The following CNOT6L variants were observed in gnomAD, a reference collection of about 807,000 sequenced individuals.
CNOT6L encodes CCR4-NOT transcription complex subunit 6-like.
Under a neutral mutation model 64.0 loss-of-function variants are expected in CNOT6L, and 7 were observed. The observed-to-expected ratio is 0.11, with a 90% CI of 0.06 to 0.21. The LOEUF is 0.21. Among genes scored for constraint, CNOT6L ranks in the 10% least tolerant of loss-of-function variants. The pLI is 1.00. For synonymous variants in CNOT6L, 193 were observed against 243.4 expected (o/e 0.79, Z 1.93); for missense variants, 245 against 669.0 (o/e 0.37, Z 6.99).
chr4:77,794,257 A>G (rs973850445), intron 1 of CNOT6L, among the ~76,000 whole-genome samples: 1 of 152,012 alleles, frequency 6.6e-6, no homozygotes, highest in Non-Finnish European at 1.5e-5. Context: ...TATGGAAGAA[A>G]CAATACCAAT....
intron 1 of CNOT6L, among the ~76,000 whole-genome samples, chr4:77,776,863 A>G (rs1208765090): frequency 2.6e-5 from 4 of 152,226 alleles, no homozygotes; most frequent in Non-Finnish European, 4.4e-5. Context: ...CGCAGAACTC[A>G]TTCTATGTTT....
rs1196954716 is a variant in CNOT6L, at chr4:77,717,737, T to C, written c.*2694A>G. 6.6e-6 allele frequency: 1 copy of C among 152,478 alleles called. No homozygotes were observed. The highest frequency in any genetic ancestry group is 1.5e-5 in the Non-Finnish European group (1 of 68,012). 9.4% of individuals were successfully genotyped at this position (152,478 alleles called of 1,614,324 possible). A position where few individuals can be genotyped will look rare whatever the true frequency, so the allele number is the denominator to read the frequency against. Reference sequence around the variant, plus strand: ...GGCAGCTCAAAACAGATACCACTCCTTTTACAAAGGGAACAAAGGGTGAAG... The same window carrying C: ...GGCAGCTCAAAACAGATACCACTCCCTTTACAAAGGGAACAAAGGGTGAAG... On this transcript the variant is annotated 3_prime_UTR_variant, in exon 12 of 12. Coordinates refer to ENST00000504123, the MANE Select transcript of CNOT6L (RefSeq NM_144571.3).
chr4:77,797,350 TAAAC>T (rs1241711437), intron 1 of CNOT6L, among the ~76,000 whole-genome samples: 1 of 152,086 alleles, frequency 6.6e-6, no homozygotes, highest in Non-Finnish European at 1.5e-5. Flanking sequence ...ATTCCAGAAA[TAAAC>T]AATTCACAAG....
chr4:77,819,528 C>T (rs540511129), upstream of CNOT6L: 3,024 of 740,694 alleles, frequency 4.1e-3, 9 homozygotes, highest in Admixed American at 5.4e-3. Context: ...AACCGGGGCT[C>T]GCGGGCGGGC....
Position 77,818,837 on chromosome 4 carries a change from C to A in CNOT6L, c.5+467G>T, listed in dbSNP as rs1364555374. Reference sequence around the variant, plus strand: ...TTAGGCCGCGCTGCAGGCCGGCGCGCTTCCTGCCGCGGCCGGGGAACGGCG... The same window carrying A: ...TTAGGCCGCGCTGCAGGCCGGCGCGATTCCTGCCGCGGCCGGGGAACGGCG... On this transcript the variant is annotated intron_variant, in intron 1 of 11. Transcript: ENST00000504123. 1.3e-5 allele frequency: 3 copies of A among 229,508 alleles called. No homozygotes were observed. In the East Asian group the frequency reaches 4.4e-4, roughly 34 times the overall value. The allele number at this position is 229,508 out of a possible 1,614,324, so 14.2% of individuals were successfully genotyped here. A position where few individuals can be genotyped will look rare whatever the true frequency, so the allele number is the denominator to read the frequency against.
At chr4:77,742,061 G>C in intron 8 of CNOT6L, 80 bp downstream of exon 8, 1 of 1,332,232 alleles carries the variant, frequency 7.5e-7, no homozygotes. Flanking sequence ...GATTTTATAG[G>C]GCAAAACCAA....
chr4:77,807,690 C>T (rs980633049), intron 1 of CNOT6L, among the ~76,000 whole-genome samples: 7 of 152,068 alleles, frequency 4.6e-5, no homozygotes, highest in Non-Finnish European at 8.8e-5. Context: ...GTAACAAATA[C>T]GAAAACTAGA....
chr4:77,793,877 G>A (rs1179659708), intron 1 of CNOT6L, among the ~76,000 whole-genome samples: 6 of 151,934 alleles, frequency 3.9e-5, no homozygotes, highest in Non-Finnish European at 1.5e-5. Flanking sequence ...CCAGCTGGGC[G>A]CAGTGGCTAA....
At chr4:77,783,150 CAAAAAA>C (rs35634501) in intron 1 of CNOT6L, among the ~76,000 whole-genome samples, 2 of 102,184 alleles carry the variant, frequency 2.0e-5, no homozygotes, top group South Asian at 3.6e-4. Flanking sequence ...TGTGACCACT[CAAAAAA>C]AAAAAAAAAA....
intron 1 of CNOT6L, among the ~76,000 whole-genome samples, chr4:77,810,684 A>C (rs535066084): frequency 6.6e-6 from 1 of 152,142 alleles, no homozygotes; most frequent in Non-Finnish European, 1.5e-5. Flanking sequence ...TTGAAACTAC[A>C]TAATAATATT....
intron 4 of CNOT6L, among the ~76,000 whole-genome samples, chr4:77,758,453 A>C (rs1432960744): frequency 6.6e-6 from 1 of 152,222 alleles, no homozygotes; most frequent in African/African-American, 2.4e-5. Flanking sequence ...TTAGAATACT[A>C]TATGAAATTG....
chr4:77,731,686 A>AT (rs1722450205), intron 8 of CNOT6L, 148 bp from the exon 9 acceptor site: 2 of 542,630 alleles, frequency 3.7e-6, no homozygotes, highest in African/African-American at 4.0e-5. Flanking sequence ...AGACACAAGA[A>AT]GTCTGATTAT....
chr4:77,759,272 G>C (rs961858001), intron 4 of CNOT6L, among the ~76,000 whole-genome samples: 1 of 151,272 alleles, frequency 6.6e-6, no homozygotes, highest in Non-Finnish European at 1.5e-5. Flanking sequence ...ACTTTAAAAC[G>C]AGATGGGTTG....
At position 77,715,137 on chromosome 4, in the gene CNOT6L, T is replaced by A. The variant is rs575685413; in HGVS notation, c.*5294A>T. On this transcript the variant is annotated 3_prime_UTR_variant, in exon 12 of 12. Coordinates refer to ENST00000504123, the MANE Select transcript of CNOT6L (RefSeq NM_144571.3). ...TGACAGACATACAACTGGAAAATTA[T>A]CTAAATTTTGAGAGATTGTTCTAAC... 6.6e-6 allele frequency: 1 copy of A among 152,112 alleles called. No individual in the cohort carries two copies. Among genetic ancestry groups the A allele is most frequent in the South Asian group, 2.1e-4 (1 of 4,830 alleles). 9.4% of individuals were successfully genotyped at this position (152,112 alleles called of 1,614,324 possible).
chr4:77,741,955 A>G (rs1723646541), intron 8 of CNOT6L, among the ~76,000 whole-genome samples, 186 bp downstream of exon 8: 1 of 152,202 alleles, frequency 6.6e-6, no homozygotes, highest in South Asian at 2.1e-4. Flanking sequence ...ATAAGGAATA[A>G]TACAATAAAT....
At chr4:77,800,522 A>T (rs1731410284) in intron 1 of CNOT6L, among the ~76,000 whole-genome samples, 1 of 152,134 alleles carries the variant, frequency 6.6e-6, no homozygotes, top group Non-Finnish European at 1.5e-5. Flanking sequence ...TAAAAAAAAA[A>T]TTAAAAAAAA....
At position 77,791,589 on chromosome 4, in the gene CNOT6L, T is replaced by C. The variant is rs192702919; in HGVS notation, c.6-15197A>G. Among the ~76,000 whole-genome samples, 438 of 152,264 alleles carry C rather than the reference T, an allele frequency of 2.9e-3. 2 individuals carry two copies. The highest frequency in any genetic ancestry group is 6.8e-3 in the Middle Eastern group (2 of 294). ...AACATTTATGGTTTTTTGTAAAATG[T>C]TTTGTTATTATAAGCCTAATACTAA... On this transcript the variant is annotated intron_variant, in intron 1 of 11. Transcript: ENST00000504123.
In CNOT6L at chr4:77,795,021, CT is replaced by C. The variant is rs35837302; in HGVS notation, c.6-18630del. Among the ~76,000 whole-genome samples, 360 of 131,954 alleles carry C rather than the reference CT, an allele frequency of 2.7e-3. 1 individual carries two copies. Among genetic ancestry groups the C allele is most frequent in the East Asian group, 0.011 (49 of 4,576 alleles). 86.6% of individuals were successfully genotyped at this position (131,954 alleles called of 152,430 possible). A position where few individuals can be genotyped will look rare whatever the true frequency, so the allele number is the denominator to read the frequency against. On this transcript the variant is annotated intron_variant, in intron 1 of 11. Transcript: ENST00000504123. Reference sequence around the variant, plus strand: ...AAGCAAAAGTAAAAAAGAAATTTTTCTTTTTTTTTTTTTTTTTGAGACACTT... The same window carrying C: ...AAGCAAAAGTAAAAAAGAAATTTTTCTTTTTTTTTTTTTTTTGAGACACTT...
chr4:77,729,165 T>C, intron 9 of CNOT6L, 84 bp from the exon 10 acceptor site: 1 of 915,940 alleles, frequency 1.1e-6, no homozygotes, highest in Non-Finnish European at 1.7e-6. Context: ...CTCAATATGA[T>C]CCACAGCTAC....
Sources: gnomAD v4.1 joint callset for allele counts (sites outside exome capture counted in the v4.1 genomes callset) on GRCh38, gnomAD v4.1.1 for gene constraint, MANE v1.5 for transcripts, NCBI Gene and HGNC (gene_info 2026-07-23, HGNC 2026-07-21) for gene names.